Variants in MAPK14 observed in about 807,000 individuals in gnomAD.
MAPK14 encodes the protein CSAID-binding protein.
In MAPK14, 16 loss-of-function variants were observed where a neutral mutation model predicts 49.6. The ratio of observed to expected loss-of-function variants is 0.32; its 90% CI spans 0.22 to 0.49. The LOEUF is 0.49. Ranked by LOEUF, MAPK14 falls within the 20% of genes least tolerant of loss-of-function variation. The pLI is 0.99. For missense variants in MAPK14, 200 were observed against 441.2 expected (o/e 0.45, Z 4.90); for synonymous variants, 142 against 158.0 (o/e 0.90, Z 0.76).
chr6:36,053,207 TAAAAGACAA>T (rs1316863999), intron 2 of MAPK14, among the ~76,000 whole-genome samples: 3 of 147,322 alleles, frequency 2.0e-5, no homozygotes, highest in East Asian at 2.0e-4. Context: ...CTGTGGCTAT[TAAAAGACAA>T]AATAGCCACA....
chr6:36,104,440 T>C (rs1765739077), intron 10 of MAPK14, among the ~76,000 whole-genome samples: 1 of 152,066 alleles, frequency 6.6e-6, no homozygotes, highest in Non-Finnish European at 1.5e-5. Context: ...CAGGTTGGAG[T>C]GCAGTGGTGC....
At chr6:36,055,777 T>TAAA (rs1175550773) in intron 2 of MAPK14, among the ~76,000 whole-genome samples, 1 of 138,694 alleles carries the variant, frequency 7.2e-6, no homozygotes, top group Admixed American at 7.3e-5. Flanking sequence ...ATTATTATAT[T>TAAA]AAAAAAAAAA....
chr6:36,098,793 T>G (rs1315702759), intron 9 of MAPK14, among the ~76,000 whole-genome samples: 1 of 152,244 alleles, frequency 6.6e-6, no homozygotes, highest in Non-Finnish European at 1.5e-5. Flanking sequence ...GGCCCCTTTT[T>G]GTTATTTCCC....
At chr6:36,076,253 A>T (rs61763109) in intron 7 of MAPK14, among the ~76,000 whole-genome samples, 232 of 152,268 alleles carry the variant, frequency 1.5e-3, no homozygotes, top group African/African-American at 4.8e-3. Flanking sequence ...TAACCCCTCA[A>T]TGTTACTTGG....
chr6:36,103,808 T>C (rs749534582), intron 10 of MAPK14, among the ~76,000 whole-genome samples: 1 of 152,194 alleles, frequency 6.6e-6, no homozygotes, highest in South Asian at 2.1e-4. Context: ...GGAGCTATGC[T>C]ATGGTAACGA....
rs567055388 is a variant in MAPK14, at chr6:36,107,122, A to G, written c.842-333A>G. Among the ~76,000 whole-genome samples the G allele has an allele frequency of 2.6e-5, 4 of 152,320 alleles. No homozygotes were observed. The highest frequency in any genetic ancestry group is 4.4e-5 in the Non-Finnish European group (3 of 68,020). On this transcript the variant is annotated intron_variant, in intron 10 of 11. Coordinates refer to ENST00000229794, the MANE Select transcript of MAPK14 (RefSeq NM_139012.3). This position sits in a 1 kb window ranked among gnomAD's most constrained non-coding sequence, Gnocchi z 4.3. The stretch of plus-strand genomic sequence containing the variant: ...GAGGGTGAGGGTTGAGAGATAACCT[A>G]TCGGGTACAATGTTCACTATTTGGT...
chr6:36,080,607 T>C (rs1764717348), intron 8 of MAPK14, among the ~76,000 whole-genome samples: 2 of 152,204 alleles, frequency 1.3e-5, no homozygotes, highest in Non-Finnish European at 2.9e-5. Context: ...TAGTAGACAG[T>C]TGAGTTGTTT....
At chr6:36,067,186 A>G (rs1764094321) in intron 3 of MAPK14, among the ~76,000 whole-genome samples, 1 of 152,146 alleles carries the variant, frequency 6.6e-6, no homozygotes, top group South Asian at 2.1e-4. Flanking sequence ...ATGATCAATA[A>G]GATGCCACCT....
chr6:36,120,780 G>C, the MAPK14 span, among the ~76,000 whole-genome samples: 2 of 152,172 alleles, frequency 1.3e-5, no homozygotes, highest in East Asian at 3.9e-4. Flanking sequence ...ACTAGGGTAG[G>C]AGCTTCTCAA....
the MAPK14 span, among the ~76,000 whole-genome samples, chr6:36,118,850 C>G: frequency 6.6e-5 from 10 of 152,184 alleles, no homozygotes; most frequent in African/African-American, 2.4e-4. Flanking sequence ...CCCCACCCTG[C>G]TTCACGGTGA....
chr6:36,043,645 A>C (rs1763050754), intron 1 of MAPK14, among the ~76,000 whole-genome samples: 1 of 152,108 alleles, frequency 6.6e-6, no homozygotes, highest in South Asian at 2.1e-4. Flanking sequence ...TAGTGGTCTT[A>C]ATTATTTAGT....
In MAPK14 at chr6:36,027,920, C is replaced by T. The variant is rs1298695773; in HGVS notation, c.-238C>T. ...ATCGCGGCGGGCGCAGTCTTGAGCGCCGGAGCGCGTCCCTGCCCTTAGCGG... is the reference window on the plus strand; with the variant it reads ...ATCGCGGCGGGCGCAGTCTTGAGCGTCGGAGCGCGTCCCTGCCCTTAGCGG... On this transcript the variant is annotated 5_prime_UTR_variant, in exon 1 of 12. Coordinates refer to ENST00000229794, the MANE Select transcript of MAPK14 (RefSeq NM_139012.3). 2 of 415,554 alleles carry T rather than the reference C, an allele frequency of 4.8e-6. No individual in the cohort carries two copies. Among genetic ancestry groups the T allele is most frequent in the African/African-American group, 4.1e-5 (2 of 48,714 alleles). The allele number at this position is 415,554 out of a possible 1,614,324, so 25.7% of individuals were successfully genotyped here. A position where few individuals can be genotyped will look rare whatever the true frequency, so the allele number is the denominator to read the frequency against.
chr6:36,041,200 A>T (rs1396806349), intron 1 of MAPK14, among the ~76,000 whole-genome samples: 60 of 150,552 alleles, frequency 4.0e-4, no homozygotes, highest in Admixed American at 3.9e-3. Context: ...CAATGTATAC[A>T]TCTTAACATT....
chr6:36,052,912 G>T (rs1025941305), intron 2 of MAPK14, 84 bp downstream of exon 2: 8 of 1,243,242 alleles, frequency 6.4e-6, no homozygotes, highest in East Asian at 2.5e-5. Context: ...ATGGAAATAC[G>T]CTGGAGTGCA....
intron 1 of MAPK14, among the ~76,000 whole-genome samples, chr6:36,047,179 G>A (rs1038028805): frequency 6.6e-6 from 1 of 152,214 alleles, no homozygotes; most frequent in Non-Finnish European, 1.5e-5. Context: ...TGTGAGATAA[G>A]GAAGGAGTCA....
At chr6:36,112,228 C>G (rs1234718350), downstream of MAPK14, among the ~76,000 whole-genome samples, 1 of 151,794 alleles carries the variant, frequency 6.6e-6, no homozygotes, top group African/African-American at 2.4e-5. Flanking sequence ...AGAATCAGAC[C>G]GTTGTAGGGA....
chr6:36,079,772 A>T (rs952398005), intron 8 of MAPK14, among the ~76,000 whole-genome samples: 1 of 152,172 alleles, frequency 6.6e-6, no homozygotes, highest in African/African-American at 2.4e-5. Flanking sequence ...GTGCTATCCA[A>T]TGTGGTGGTT....
chr6:36,039,451 T>C (rs561535162), intron 1 of MAPK14, among the ~76,000 whole-genome samples: 1 of 151,054 alleles, frequency 6.6e-6, no homozygotes, highest in Non-Finnish European at 1.5e-5. Flanking sequence ...ATTGTCACTG[T>C]GCCTGTGATA....
At chr6:36,076,788 G>C (rs1408957577) in intron 8 of MAPK14, 180 bp downstream of exon 8, 1 of 449,788 alleles carries the variant, frequency 2.2e-6, no homozygotes, top group East Asian at 3.5e-5. Context: ...AGAGGCTTCA[G>C]TTTACTTTTG....
Sources: gnomAD v4.1 joint callset for allele counts (sites outside exome capture counted in the v4.1 genomes callset) on GRCh38, gnomAD v4.1.1 for gene constraint, Gnocchi (gnomAD v3.1) non-coding constraint, MANE v1.5 for transcripts, NCBI Gene and HGNC (gene_info 2026-07-23, HGNC 2026-07-21) for gene names.